Variants in PALM2AKAP2 observed in about 807,000 individuals in gnomAD.
PALM2AKAP2 encodes the protein PALM2-AKAP2 fusion protein.
Under a neutral mutation model 71.5 loss-of-function variants are expected in PALM2AKAP2, and 37 were observed. The ratio of observed to expected loss-of-function variants is 0.52; its 90% confidence interval spans 0.40 to 0.68. The LOEUF (loss-of-function observed/expected upper bound fraction) is 0.68. Among genes scored for constraint, PALM2AKAP2 ranks in the 30% least tolerant of loss-of-function variants. The probability of loss-of-function intolerance (pLI) is 0.00; values close to 1 mark genes in which losing one functional copy is unlikely to be tolerated. For missense variants in PALM2AKAP2, 1,224 were observed against 1,191.8 expected, an observed-to-expected ratio of 1.03 and a Z score of -0.40; for synonymous variants, 468 against 478.8, an observed-to-expected ratio of 0.98 and a Z score of 0.29.
chr9:110,112,663 C>T (rs1002911392), intron 1 of PALM2AKAP2, among the ~76,000 whole-genome samples: 1 of 152,166 alleles, frequency 6.6e-6, no homozygotes, highest in Non-Finnish European at 1.5e-5. Context: ...AGTTTCTAGT[C>T]GAGATTGTCC....
At chr9:109,665,513 C>T (rs1291381282) in intron 1 of PALM2AKAP2, among the ~76,000 whole-genome samples, 5 of 152,180 alleles carry the variant, frequency 3.3e-5, no homozygotes, top group Non-Finnish European at 5.9e-5. Flanking sequence ...GTATCGCCAG[C>T]GGAGGCTGCA....
intron 6 of PALM2AKAP2, among the ~76,000 whole-genome samples, chr9:109,970,980 A>C (rs1832054416): frequency 6.6e-6 from 1 of 152,142 alleles, no homozygotes; most frequent in Admixed American, 6.5e-5. Context: ...GCATGGTGGC[A>C]TACACCTGTA....
At position 110,131,401 on chromosome 9, in the gene PALM2AKAP2, G is replaced by T. The variant is rs143162510; in HGVS notation, c.157-4726G>T. Among the ~76,000 whole-genome samples, 235 of 152,296 alleles carry T rather than the reference G, an allele frequency of 1.5e-3. 1 individual carries two copies. In the Middle Eastern group the frequency reaches 0.017, roughly 11 times the overall value. ...TTGGGGCATAGTTCATTTCAAAAAG[G>T]ACTTTCCTGGTGATTGAATGAATGT... On this transcript the variant is annotated intron_variant, in intron 1 of 3. Transcript: ENST00000374525.
chr9:109,955,171 C>T (rs1478134961), intron 6 of PALM2AKAP2, among the ~76,000 whole-genome samples: 2 of 152,138 alleles, frequency 1.3e-5, no homozygotes, highest in Non-Finnish European at 1.5e-5. Context: ...ATGGGACTTA[C>T]CTTAGCAAGA....
At chr9:110,056,955 A>G (rs1001784108) in intron 1 of PALM2AKAP2, among the ~76,000 whole-genome samples, 2 of 152,226 alleles carry the variant, frequency 1.3e-5, no homozygotes, top group African/African-American at 4.8e-5. Flanking sequence ...GAGGAATGAA[A>G]AGAGAAGAGA....
In PALM2AKAP2 at chr9:110,162,765, C is replaced by T. The variant is rs565162548; in HGVS notation, c.2749-5634C>T. ...TTGCCCAGGGTGGAGTACAGTGGTG[C>T]AATCATAGCTCACTGTAGCCTTAAC... On this transcript the variant is annotated intron_variant, in intron 3 of 3. Transcript: ENST00000374525. 5.9e-5 allele frequency among the ~76,000 whole-genome samples: 9 copies of T among 152,304 alleles called. No homozygotes were observed. The East Asian group carries it at 1.7e-3, about 29-fold the overall frequency.
intron 2 of PALM2AKAP2, among the ~76,000 whole-genome samples, chr9:110,141,548 C>A (rs1304352006): frequency 2.0e-5 from 3 of 152,220 alleles, no homozygotes; most frequent in Non-Finnish European, 4.4e-5. Flanking sequence ...TGGCCAACCT[C>A]CAAGTTCATG....
At chr9:110,074,271 G>C (rs1278419159) in intron 1 of PALM2AKAP2, among the ~76,000 whole-genome samples, 3 of 152,308 alleles carry the variant, frequency 2.0e-5, no homozygotes, top group African/African-American at 7.2e-5. Context: ...AGGATCCCTT[G>C]AGGCCAGGAG....
intron 3 of PALM2AKAP2, among the ~76,000 whole-genome samples, chr9:109,895,028 T>C (rs1830168808): frequency 6.6e-6 from 1 of 152,190 alleles, no homozygotes; most frequent in African/African-American, 2.4e-5. Flanking sequence ...CTTCCCATCA[T>C]AGAGGTGAAG....
At chr9:110,072,380 G>A (rs552486503) in intron 1 of PALM2AKAP2, among the ~76,000 whole-genome samples, 2 of 152,318 alleles carry the variant, frequency 1.3e-5, no homozygotes, top group South Asian at 4.1e-4. Flanking sequence ...TGATCTATCA[G>A]AGGTCTCAAA....
At chr9:109,914,684 C>T (rs548872846) in intron 3 of PALM2AKAP2, among the ~76,000 whole-genome samples, 1 of 152,312 alleles carries the variant, frequency 6.6e-6, no homozygotes, top group South Asian at 2.1e-4. Context: ...GTCAGCATCT[C>T]CTTTTATTCG....
At chr9:109,850,264 A>C (rs562075981) in intron 1 of PALM2AKAP2, among the ~76,000 whole-genome samples, 31 of 152,236 alleles carry the variant, frequency 2.0e-4, no homozygotes, top group Admixed American at 6.5e-4. Context: ...AAAGAAACTC[A>C]TACCCAGGGA....
intron 6 of PALM2AKAP2, among the ~76,000 whole-genome samples, chr9:110,004,012 G>A (rs1380830629): frequency 5.9e-5 from 9 of 152,098 alleles, no homozygotes; most frequent in African/African-American, 2.2e-4. Flanking sequence ...TTTAATTGGA[G>A]CATTTAGCCC....
chr9:109,850,173 A>C (rs1828972197), intron 1 of PALM2AKAP2, among the ~76,000 whole-genome samples: 1 of 152,162 alleles, frequency 6.6e-6, no homozygotes, highest in African/African-American at 2.4e-5. Flanking sequence ...CCTGCGATTC[A>C]AAGCTGGTGG....
chr9:110,005,118 C>G (rs1054379236), intron 6 of PALM2AKAP2, among the ~76,000 whole-genome samples: 1 of 152,176 alleles, frequency 6.6e-6, no homozygotes, highest in Non-Finnish European at 1.5e-5. Flanking sequence ...TTTAGAGTTT[C>G]CAGTTCTTCT....
intron 1 of PALM2AKAP2, among the ~76,000 whole-genome samples, chr9:109,680,490 G>A (rs1827711789): frequency 6.6e-6 from 1 of 152,214 alleles, no homozygotes; most frequent in Non-Finnish European, 1.5e-5. Flanking sequence ...GGCATAAGAG[G>A]TCATAAACTT....
At chr9:109,731,192 T>C (rs1419412669) in intron 1 of PALM2AKAP2, among the ~76,000 whole-genome samples, 1 of 152,238 alleles carries the variant, frequency 6.6e-6, no homozygotes, top group Non-Finnish European at 1.5e-5. Context: ...GGAGATTGTG[T>C]CTTAATTCCT....
chr9:110,096,483 T>C (rs1481399895), intron 1 of PALM2AKAP2, among the ~76,000 whole-genome samples: 1 of 138,144 alleles, frequency 7.2e-6, no homozygotes, highest in East Asian at 1.9e-4. Context: ...CCCAGGCTGG[T>C]CTTAAACTCC....
At chr9:109,954,364 C>T (rs535903604) in intron 6 of PALM2AKAP2, among the ~76,000 whole-genome samples, 5 of 152,132 alleles carry the variant, frequency 3.3e-5, no homozygotes, top group Admixed American at 1.3e-4. Flanking sequence ...ACATCATCTC[C>T]CCAGCAGCCC....
Sources: allele counts gnomAD v4.1 joint callset (sites outside exome capture counted in the v4.1 genomes callset), GRCh38; gene constraint gnomAD v4.1.1; transcripts MANE v1.5; gene names NCBI Gene and HGNC (gene_info 2026-07-23, HGNC 2026-07-21).